Variants in PHACTR4 observed in about 807,000 individuals in gnomAD.
PHACTR4 encodes phosphatase and actin regulator 4.
In PHACTR4, 51 loss-of-function variants were observed where a neutral mutation model predicts 72.7. That is an observed-to-expected ratio of 0.70 (90% CI 0.56 to 0.89). The LOEUF is 0.89. PHACTR4 is among the 40% of genes least tolerant of loss of function. The pLI is 0.00. For synonymous variants in PHACTR4, 255 were observed against 302.5 expected (o/e 0.84, Z 1.63); for missense variants, 731 against 861.8 (o/e 0.85, Z 1.90).
chr1:28,453,534 G>C lies in PHACTR4; in HGVS notation c.17-5551G>C, dbSNP rs1475494477. ...TATATACATAGGTGGTGGCTGGGCT[G>C]GGGAAATGGCGGCTTCACGAGAGAG... On this transcript the variant is annotated intron_variant, in intron 2 of 13. Transcript: ENST00000373839. The C allele has an allele frequency of 1.8e-5, 11 of 617,856 alleles. No homozygotes were observed. The Admixed American group carries it at 2.1e-4, about 12-fold the overall frequency. The allele number at this position is 617,856 out of a possible 1,614,324, so 38.3% of individuals were successfully genotyped here.
chr1:28,395,574 A>G (rs1203455685), intron 1 of PHACTR4, among the ~76,000 whole-genome samples: 1 of 149,652 alleles, frequency 6.7e-6, no homozygotes, highest in Non-Finnish European at 1.5e-5. Context: ...TTATGTCTTT[A>G]CTCCTCAGTA....
At chr1:28,442,532 A>G (rs1337711218) in intron 2 of PHACTR4, among the ~76,000 whole-genome samples, 1 of 151,718 alleles carries the variant, frequency 6.6e-6, no homozygotes. Context: ...TTTGAGATGA[A>G]GTCTCACTCT....
intron 1 of PHACTR4, among the ~76,000 whole-genome samples, chr1:28,389,477 CTTTTTT>C (rs557958697): frequency 7.7e-6 from 1 of 129,828 alleles, no homozygotes; most frequent in Non-Finnish European, 1.6e-5. Flanking sequence ...TTGTATACTA[CTTTTTT>C]TTTTTTTTTT....
chr1:28,465,193 T>A lies in PHACTR4; in HGVS notation c.272-492T>A, dbSNP rs138196539. ...ATCACCAACCCTGGGCCGGGCACGG[T>A]GGCTCACGCCTGTAATCCCAGCACT... is the stretch of plus-strand genomic sequence containing the variant. On this transcript the variant is annotated intron_variant, in intron 4 of 13. Coordinates refer to ENST00000373839, the MANE Select transcript of PHACTR4 (RefSeq NM_001048183.3). 8.9e-3 allele frequency among the ~76,000 whole-genome samples: 1,353 copies of A among 152,038 alleles called. 18 individuals carry two copies. The highest frequency in any genetic ancestry group is 0.031 in the African/African-American group (1,293 of 41,500).
rs1223295576 is a variant in PHACTR4, at chr1:28,440,394, C to CTT, written c.17-18673_17-18672dup. Among the ~76,000 whole-genome samples the CTT allele has an allele frequency of 1.4e-4, 12 of 83,268 alleles. 2 individuals carry two copies. The highest frequency in any genetic ancestry group is 3.0e-4 in the East Asian group (1 of 3,282). The allele number at this position is 83,268 out of a possible 152,430, so 54.6% of individuals were successfully genotyped here. ...AAAGTAAGAATCAAATTCATCAATTCTTTTTTTTTTTTTTTTTTTGAGACG... is the reference window on the plus strand; with the variant it reads ...AAAGTAAGAATCAAATTCATCAATTCTTTTTTTTTTTTTTTTTTTTTGAGACG... On this transcript the variant is annotated intron_variant, in intron 2 of 13. Transcript: ENST00000373839.
chr1:28,387,173 A>G (rs1245089330), intron 1 of PHACTR4, among the ~76,000 whole-genome samples: 1 of 151,300 alleles, frequency 6.6e-6, no homozygotes, highest in Non-Finnish European at 1.5e-5. Flanking sequence ...AGGTAGGAGA[A>G]TCACTTGAAC....
chr1:28,425,375 C>T (rs185489615), intron 2 of PHACTR4, among the ~76,000 whole-genome samples: 72 of 152,294 alleles, frequency 4.7e-4, no homozygotes, highest in African/African-American at 1.6e-3. Flanking sequence ...CCTTGGCCTC[C>T]CAAAGTGCTG....
At chr1:28,440,391 A>ATTTTTTT (rs1414224976) in intron 2 of PHACTR4, among the ~76,000 whole-genome samples, 1,949 of 89,704 alleles carry the variant, frequency 0.022, 252 homozygotes, top group African/African-American at 0.073. Flanking sequence ...AAATTCATCA[A>ATTTTTTT]TTCTTTTTTT....
In PHACTR4 at chr1:28,491,653, A is replaced by G; in HGVS notation, c.1882A>G (p.Ser628Gly). 1.2e-6 allele frequency: 2 copies of G among 1,613,946 alleles called. No homozygotes were observed. Among genetic ancestry groups the G allele is most frequent in the Middle Eastern group, 1.7e-4 (1 of 6,058 alleles). Reference protein sequence around the residue: ...EIKRRLTRKLSQRPTVAELLA... With the variant: ...EIKRRLTRKLGQRPTVAELLA... ...TAAGAGGCTCCGTTTCCTTCAGCTC[A>G]GTCAAAGGCCAACTGTCGCTGAACT... The change falls in exon 12 of 14, where the codon AGT (serine) becomes GGT (glycine). Residue 628 changes from serine to glycine, a missense_variant. This residue lies in a region of PHACTR4 where 110 missense variants were observed against 185.2 expected (regional missense o/e 0.59). Coordinates refer to ENST00000373839, the MANE Select transcript of PHACTR4 (RefSeq NM_001048183.3).
chr1:28,466,119 A>C (rs983863587), intron 5 of PHACTR4, among the ~76,000 whole-genome samples: 2 of 152,080 alleles, frequency 1.3e-5, no homozygotes, highest in Non-Finnish European at 1.5e-5. Flanking sequence ...CACTTCTTTC[A>C]CCCAAGGAAT....
chr1:28,465,029 C>T (rs112675402), intron 4 of PHACTR4, among the ~76,000 whole-genome samples: 4 of 152,092 alleles, frequency 2.6e-5, no homozygotes, highest in South Asian at 2.1e-4. Context: ...CATATAACAA[C>T]GTACTTGGCA....
At chr1:28,456,179 G>A (rs970343682) in intron 2 of PHACTR4, among the ~76,000 whole-genome samples, 1 of 152,094 alleles carries the variant, frequency 6.6e-6, no homozygotes, top group Non-Finnish European at 1.5e-5. Context: ...GCTTGCAACT[G>A]CCCTGCTTCT....
chr1:28,381,316 T>TTTA (rs1425450123), intron 1 of PHACTR4, among the ~76,000 whole-genome samples: 2 of 77,174 alleles, frequency 2.6e-5, no homozygotes, highest in East Asian at 6.8e-4. Flanking sequence ...TTTTTTTTTT[T>TTTA]GAGACGGAGT....
At position 28,399,624 on chromosome 1, in the gene PHACTR4, G is replaced by A. The variant is rs1653796540; in HGVS notation, c.-38-7786G>A. Among the ~76,000 whole-genome samples, 4 of 152,082 alleles carry A rather than the reference G, an allele frequency of 2.6e-5. No homozygotes were observed. In the South Asian group the frequency reaches 8.3e-4, roughly 32 times the overall value. On this transcript the variant is annotated intron_variant, in intron 1 of 13. Transcript: ENST00000373839. ...AGTATTTTCTTAGTACCTAGTGTAT[G>A]CACCTTCTAAATGCAGGGATATAGT...
intron 11 of PHACTR4, among the ~76,000 whole-genome samples, 196 bp downstream of exon 11, chr1:28,491,208 T>TAAA (rs879678760): frequency 1.8e-5 from 2 of 109,622 alleles, no homozygotes; most frequent in African/African-American, 8.1e-5. Flanking sequence ...GTGTCTACAT[T>TAAA]AAAAAAAAAA....
At chr1:28,448,633 G>A (rs1198480099) in intron 2 of PHACTR4, among the ~76,000 whole-genome samples, 1 of 146,698 alleles carries the variant, frequency 6.8e-6, no homozygotes, top group Admixed American at 6.8e-5. Context: ...ATGGTGGTGG[G>A]CGCCTGTAGT....
intron 2 of PHACTR4, among the ~76,000 whole-genome samples, chr1:28,435,507 T>A (rs1345045446): frequency 2.6e-5 from 4 of 152,214 alleles, no homozygotes; most frequent in Non-Finnish European, 5.9e-5. Context: ...TCAGGTGATC[T>A]GCCTGCCTTG....
chr1:28,428,765 T>C (rs1432503623), intron 2 of PHACTR4, among the ~76,000 whole-genome samples: 1 of 152,176 alleles, frequency 6.6e-6, no homozygotes, highest in African/African-American at 2.4e-5. Context: ...AGAATCTAAA[T>C]GGAAGGAGAG....
At chr1:28,374,889 T>C (rs548683214) in intron 1 of PHACTR4, among the ~76,000 whole-genome samples, 3 of 152,358 alleles carry the variant, frequency 2.0e-5, no homozygotes, top group South Asian at 4.1e-4. Flanking sequence ...GTCTTTAACA[T>C]GGATGTAATT....
Sources: allele counts gnomAD v4.1 joint callset (sites outside exome capture counted in the v4.1 genomes callset), GRCh38; gene constraint gnomAD v4.1.1; regional missense constraint gnomAD v4.1.1; transcripts MANE v1.5; gene names NCBI Gene and HGNC (gene_info 2026-07-23, HGNC 2026-07-21).